Variants in DCDC1 observed in about 807,000 individuals in gnomAD.
DCDC1 encodes the protein doublecortin domain containing 1.
DCDC1 carries 200 observed loss-of-function variants against 178.3 expected under a neutral mutation model. The ratio of observed to expected loss-of-function variants is 1.12; its 90% CI spans 1.00 to 1.26. DCDC1 has a LOEUF of 1.26. Ranked by LOEUF, DCDC1 falls within the 50% of genes most tolerant of loss-of-function variation. The pLI, the probability that DCDC1 is intolerant of heterozygous loss-of-function variation, is 0.00. For synonymous variants in DCDC1, 690 were observed against 604.8 expected (o/e 1.14, Z -2.07); for missense variants, 1,983 against 1,749.2 (o/e 1.13, Z -2.38).
intron 34 of DCDC1, among the ~76,000 whole-genome samples, chr11:30,897,413 C>A (rs1944312055): frequency 1.3e-5 from 2 of 151,604 alleles, no homozygotes; most frequent in African/African-American, 4.9e-5. Flanking sequence ...ACGGTGAAAC[C>A]CCCTCTCTAC....
chr11:31,138,809 T>C (rs1305407998), intron 9 of DCDC1, among the ~76,000 whole-genome samples: 3 of 152,222 alleles, frequency 2.0e-5, no homozygotes, highest in African/African-American at 7.2e-5. Context: ...TTCAAAAATA[T>C]GACCTCTTGA....
chr11:31,185,844 C>T (rs1591343870), intron 9 of DCDC1, among the ~76,000 whole-genome samples: 1 of 152,176 alleles, frequency 6.6e-6, no homozygotes, highest in Non-Finnish European at 1.5e-5. Context: ...ATAATCTGAT[C>T]CTGTCAATAC....
At chr11:31,098,685 T>C (rs1216651543) in intron 15 of DCDC1, among the ~76,000 whole-genome samples, 1 of 152,214 alleles carries the variant, frequency 6.6e-6, no homozygotes, top group African/African-American at 2.4e-5. Context: ...GCCCTATAGA[T>C]ATCCATCACC....
chr11:31,101,225 G>T (rs1000085736), intron 15 of DCDC1, among the ~76,000 whole-genome samples: 1 of 152,100 alleles, frequency 6.6e-6, no homozygotes, highest in Non-Finnish European at 1.5e-5. Flanking sequence ...TTTTGATTTT[G>T]ATTTCATGTG....
At chr11:31,084,769 G>T (rs1290889788) in intron 17 of DCDC1, among the ~76,000 whole-genome samples, 1 of 151,280 alleles carries the variant, frequency 6.6e-6, no homozygotes, top group Non-Finnish European at 1.5e-5. Context: ...CTCTTTTCTT[G>T]CCCAAGCTTT....
chr11:31,065,109 T>A lies in DCDC1; in HGVS notation c.2343A>T (p.Ala781=). Residue 781 remains alanine (A), a synonymous_variant, in exon 19 of 39, where the codon GCA becomes GCT. Coordinates refer to ENST00000684477, the MANE Select transcript of DCDC1 (RefSeq NM_001387274.1). ...FVLTYLEELN[A]QVDVTQTEYH... is the part of the protein sequence containing the mutation. ...ACTCTGTCTGGGTCACATCTACTTG[T>A]GCATTTAGCTCCTCTAGGTAGGTCA... 1 of 765,476 alleles carries A rather than the reference T, an allele frequency of 1.3e-6. No individual in the cohort carries two copies. Among genetic ancestry groups the A allele is most frequent in the South Asian group, 1.3e-5 (1 of 74,534 alleles). The allele number at this position is 765,476 out of a possible 1,614,324, so 47.4% of individuals were successfully genotyped here.
At chr11:31,250,421 C>CATATACATATATAT (rs1943920511) in intron 8 of DCDC1, among the ~76,000 whole-genome samples, 6 of 52,862 alleles carry the variant, frequency 1.1e-4, no homozygotes, top group African/African-American at 3.1e-4. Flanking sequence ...CACACATATA[C>CATATACATATATAT]ATATATATGT....
chr11:30,906,470 G>C, intron 30 of DCDC1, 70 bp downstream of exon 30: 1 of 1,473,954 alleles, frequency 6.8e-7, no homozygotes, highest in Non-Finnish European at 9.2e-7. Context: ...GTGCAAGGCA[G>C]ATAATGAATG....
At chr11:31,272,201 T>C (rs1472021044) in intron 7 of DCDC1, among the ~76,000 whole-genome samples, 1 of 150,500 alleles carries the variant, frequency 6.6e-6, no homozygotes, top group Non-Finnish European at 1.5e-5. Context: ...TAAGACGTTT[T>C]CACTATCACA....
intron 20 of DCDC1, among the ~76,000 whole-genome samples, chr11:31,037,964 C>T (rs188242022): frequency 2.1e-4 from 31 of 150,942 alleles, no homozygotes; most frequent in African/African-American, 6.6e-4. Flanking sequence ...TCAATTCCCA[C>T]CTATGAGTGA....
chr11:31,127,723 TG>T, intron 10 of DCDC1, 84 bp from the exon 11 acceptor site: 2 of 645,922 alleles, frequency 3.1e-6, no homozygotes. Flanking sequence ...CCTAGCTTGA[TG>T]GGGGGAAAAT....
intron 1 of DCDC1, among the ~76,000 whole-genome samples, chr11:31,358,838 C>G (rs199890645): frequency 6.6e-6 from 1 of 151,074 alleles, no homozygotes; most frequent in Admixed American, 6.6e-5. Flanking sequence ...GAAAAATGCT[C>G]ACCATCACTG....
intron 20 of DCDC1, among the ~76,000 whole-genome samples, chr11:30,964,620 T>C (rs1048493826): frequency 6.6e-6 from 1 of 152,178 alleles, no homozygotes; most frequent in Non-Finnish European, 1.5e-5. Context: ...TAGGAAAATG[T>C]GAATGATGAT....
chr11:31,176,713 A>G (rs185556895), intron 9 of DCDC1, among the ~76,000 whole-genome samples: 1 of 152,338 alleles, frequency 6.6e-6, no homozygotes, highest in African/African-American at 2.4e-5. Flanking sequence ...TTCTCAGCAG[A>G]AATCTTTCAG....
chr11:31,224,079 T>C (rs903299674), intron 9 of DCDC1, among the ~76,000 whole-genome samples: 1 of 152,088 alleles, frequency 6.6e-6, no homozygotes, highest in Admixed American at 6.6e-5. Context: ...CATTGTCTCT[T>C]GCTGCCACCA....
At chr11:31,365,999 A>T (rs1013058715) in intron 1 of DCDC1, among the ~76,000 whole-genome samples, 2 of 151,600 alleles carry the variant, frequency 1.3e-5, no homozygotes, top group African/African-American at 4.8e-5. Context: ...AAATATTATT[A>T]ATTAATAATA....
chr11:31,074,239 G>A (rs1327899893), intron 18 of DCDC1, among the ~76,000 whole-genome samples: 1 of 152,178 alleles, frequency 6.6e-6, no homozygotes, highest in East Asian at 1.9e-4. Context: ...GGTGGCACCA[G>A]TAGTATTCAC....
intron 22 of DCDC1, among the ~76,000 whole-genome samples, chr11:30,928,051 G>A (rs1946699836): frequency 2.0e-5 from 3 of 152,114 alleles, no homozygotes; most frequent in African/African-American, 4.8e-5. Context: ...TGATGGAGAT[G>A]AGGCCTAATG....
intron 20 of DCDC1, among the ~76,000 whole-genome samples, chr11:30,981,369 C>T (rs1175803019): frequency 6.6e-6 from 1 of 152,092 alleles, no homozygotes; most frequent in Non-Finnish European, 1.5e-5. Flanking sequence ...CTACTTCATA[C>T]AACTGCTATA....
Sources: gnomAD v4.1 joint callset for allele counts (sites outside exome capture counted in the v4.1 genomes callset) on GRCh38, gnomAD v4.1.1 for gene constraint, MANE v1.5 for transcripts, NCBI Gene and HGNC (gene_info 2026-07-23, HGNC 2026-07-21) for gene names.